B3GLCT: variants seen among roughly 807,000 people sequenced by gnomAD.
B3GLCT encodes beta-1,3-glucosyltransferase.
Under a neutral mutation model 63.4 loss-of-function variants are expected in B3GLCT, and 65 were observed. That is an observed-to-expected ratio of 1.03 (90% confidence interval 0.84 to 1.26). The LOEUF (loss-of-function observed/expected upper bound fraction) is 1.26, where lower values mean the gene tolerates loss of function less well. B3GLCT is among the 50% of genes most tolerant of loss of function. The pLI is 0.00. For synonymous variants in B3GLCT, 233 were observed against 219.2 expected (o/e 1.06, Z -0.55); for missense variants, 577 against 604.8 (o/e 0.95, Z 0.48).
intron 12 of B3GLCT, among the ~76,000 whole-genome samples, chr13:31,308,347 T>TAAAAAAAAAAAACA (rs1874501587): frequency 4.2e-5 from 1 of 23,670 alleles, no homozygotes; most frequent in Non-Finnish European, 1.2e-4. Flanking sequence ...AAAAAAAAAT[T>TAAAAAAAAAAAACA]AAAAAAAAAA....
intron 6 of B3GLCT, among the ~76,000 whole-genome samples, chr13:31,257,995 G>A (rs1308747173): frequency 1.3e-5 from 2 of 152,136 alleles, no homozygotes; most frequent in African/African-American, 4.8e-5. Flanking sequence ...AATGTATAAT[G>A]TGTCGGATGG....
chr13:31,225,732 C>T (rs377334762), intron 3 of B3GLCT, among the ~76,000 whole-genome samples: 7 of 152,298 alleles, frequency 4.6e-5, no homozygotes, highest in East Asian at 1.9e-4. Context: ...TCACTGCTCC[C>T]TCTGTGGGGA....
intron 14 of B3GLCT, among the ~76,000 whole-genome samples, chr13:31,324,244 A>G (rs3761871): frequency 0.21 from 32,455 of 152,154 alleles, 3,486 homozygotes; most frequent in Non-Finnish European, 0.22. Flanking sequence ...TATAGGACTG[A>G]CCTAATATTG....
chr13:31,224,726 G>A (rs978462522), intron 3 of B3GLCT, among the ~76,000 whole-genome samples: 6 of 152,192 alleles, frequency 3.9e-5, no homozygotes, highest in African/African-American at 1.4e-4. Context: ...TTGTGTGTGT[G>A]TGTTTGTGGG....
At chr13:31,269,587 C>T (rs1407495763) in intron 8 of B3GLCT, among the ~76,000 whole-genome samples, 1 of 152,074 alleles carries the variant, frequency 6.6e-6, no homozygotes, top group African/African-American at 2.4e-5. Flanking sequence ...TACCTCTGCT[C>T]TTACTTGATG....
intron 1 of B3GLCT, among the ~76,000 whole-genome samples, chr13:31,212,098 G>A (rs775188620): frequency 1.2e-4 from 18 of 151,722 alleles, no homozygotes; most frequent in Non-Finnish European, 1.3e-4. Context: ...TTCGGGAGGG[G>A]TAGATGGAAA....
chr13:31,295,207 G>A (rs1306594838), intron 12 of B3GLCT, among the ~76,000 whole-genome samples: 4 of 152,138 alleles, frequency 2.6e-5, no homozygotes, highest in South Asian at 2.1e-4. Flanking sequence ...AGACGGGCAC[G>A]CGCCAGATGT....
At chr13:31,203,724 T>C (rs765478086) in intron 1 of B3GLCT, among the ~76,000 whole-genome samples, 16 of 152,204 alleles carry the variant, frequency 1.1e-4, no homozygotes, top group Non-Finnish European at 2.2e-4. Context: ...AAGAACAATA[T>C]ATGGGAGTCC....
At position 31,247,941 on chromosome 13, in the gene B3GLCT, C is replaced by T. The variant is rs1252777892; in HGVS notation, c.434C>T (p.Thr145Ile). Residue 145 changes from threonine (T) to isoleucine (I), a missense_variant, in exon 6 of 15, where the codon ACC (threonine) becomes ATC (isoleucine). Thr to Ile is a moderately conservative substitution (Grantham distance 89). Transcript: ENST00000343307. ...TRIQIPKLLE[T>I]LRRYDPSKEW... ...ATACAGATTCCAAAACTCTTGGAAA[C>T]CCTCAGAAGATATGACCCCTCTAAG... 3.7e-6 allele frequency: 6 copies of T among 1,604,566 alleles called. No individual in the cohort carries two copies. The Admixed American group carries it at 5.0e-5, about 13-fold the overall frequency.
chr13:31,259,844 T>G (rs1871932039), intron 6 of B3GLCT, among the ~76,000 whole-genome samples: 1 of 151,662 alleles, frequency 6.6e-6, no homozygotes. Flanking sequence ...TTAATTTTAT[T>G]ATTACTATAC....
intron 5 of B3GLCT, 105 bp from the exon 6 acceptor site, chr13:31,247,750 A>G (rs1473550248): frequency 1.9e-5 from 12 of 615,532 alleles, no homozygotes; most frequent in Non-Finnish European, 5.9e-6. Context: ...AAAATTAGAT[A>G]TGCCATTCTG....
chr13:31,235,503 G>C (rs1024321880), intron 4 of B3GLCT, among the ~76,000 whole-genome samples: 1 of 151,998 alleles, frequency 6.6e-6, no homozygotes, highest in Non-Finnish European at 1.5e-5. Context: ...TGGGATGCTG[G>C]CTACCTGAGG....
intron 12 of B3GLCT, among the ~76,000 whole-genome samples, chr13:31,300,535 G>T (rs1264019890): frequency 6.6e-6 from 1 of 152,096 alleles, no homozygotes; most frequent in African/African-American, 2.4e-5. Flanking sequence ...TGGATAATTG[G>T]GTGGGCAGGG....
intron 12 of B3GLCT, among the ~76,000 whole-genome samples, chr13:31,298,934 C>A (rs1174459379): frequency 6.6e-6 from 1 of 152,208 alleles, no homozygotes; most frequent in African/African-American, 2.4e-5. Context: ...GCTTAGAAAT[C>A]AGCCCTGCTT....
At chr13:31,274,134 A>G (rs1872680313) in intron 8 of B3GLCT, among the ~76,000 whole-genome samples, 1 of 152,196 alleles carries the variant, frequency 6.6e-6, no homozygotes, top group Non-Finnish European at 1.5e-5. Context: ...ACATTTGTAG[A>G]TGTTTTAAGC....
intron 4 of B3GLCT, among the ~76,000 whole-genome samples, chr13:31,234,866 C>T (rs923723431): frequency 2.0e-5 from 3 of 152,096 alleles, no homozygotes; most frequent in Admixed American, 6.5e-5. Context: ...CAGGGAGTGC[C>T]GTTAGGGAGT....
chr13:31,238,575 T>G (rs7989678), intron 4 of B3GLCT, among the ~76,000 whole-genome samples: 2,336 of 152,342 alleles, frequency 0.015, 67 homozygotes, highest in African/African-American at 0.053. Flanking sequence ...CTCGTTTTTA[T>G]AAAGTAGATG....
At chr13:31,299,896 C>CAATGG (rs1291910339) in intron 12 of B3GLCT, among the ~76,000 whole-genome samples, 2 of 152,140 alleles carry the variant, frequency 1.3e-5, no homozygotes, top group Non-Finnish European at 2.9e-5. Context: ...TGCCCTCTTG[C>CAATGG]CTAACTGTAT....
chr13:31,229,513 A>G (rs1196442782), intron 4 of B3GLCT, among the ~76,000 whole-genome samples: 1 of 152,222 alleles, frequency 6.6e-6, no homozygotes, highest in East Asian at 1.9e-4. Context: ...TGGGAGGCCA[A>G]GGTGGGCGGA....
Sources: allele counts gnomAD v4.1 joint callset (sites outside exome capture counted in the v4.1 genomes callset), GRCh38; gene constraint gnomAD v4.1.1; transcripts MANE v1.5; gene names NCBI Gene and HGNC (gene_info 2026-07-23, HGNC 2026-07-21).